Variants in UNC13C observed in about 807,000 individuals in gnomAD.
The protein encoded by UNC13C is protein unc-13 homolog C.
A neutral mutation model predicts 245.4 loss-of-function variants in UNC13C; 174 were observed. The ratio of observed to expected loss-of-function variants is 0.71; its 90% CI spans 0.63 to 0.80. UNC13C has a LOEUF of 0.80. Ranked by LOEUF, UNC13C falls within the 30% of genes least tolerant of loss-of-function variation. UNC13C has a pLI of 0.00. For synonymous variants in UNC13C, 992 were observed against 895.1 expected, an observed-to-expected ratio of 1.11 and a Z score of -1.93; for missense variants, 2,829 against 2,602.9, an observed-to-expected ratio of 1.09 and a Z score of -1.89.
chr15:54,096,514 C>T (rs889711264), intron 2 of UNC13C, among the ~76,000 whole-genome samples: 3 of 152,146 alleles, frequency 2.0e-5, no homozygotes, highest in African/African-American at 7.2e-5. Flanking sequence ...CTCTAATTCT[C>T]CAACTCTCAC....
At chr15:54,489,900 C>G (rs149290637) in intron 19 of UNC13C, among the ~76,000 whole-genome samples, 1 of 152,266 alleles carries the variant, frequency 6.6e-6, no homozygotes, top group African/African-American at 2.4e-5. Context: ...ACTTGTATCA[C>G]CAATTAACTC....
rs554692204 is a variant in UNC13C, at chr15:54,015,184, C to T, written c.2281C>T (p.Arg761Ter). Residue 761 changes from arginine (R) to a stop codon, truncating the protein, a stop_gained, in exon 2 of 33, where the codon CGA becomes TGA. Transcript: ENST00000260323. LOFTEE classifies it high-confidence loss of function. ...QNQNQLSMMY[R>*]SQSELQSDDS... ...TCAAAACCAGTTGTCCATGATGTAT[C>T]GAAGTCAAAGTGAATTGCAAAGTGA... 6.2e-6 allele frequency: 10 copies of T among 1,612,592 alleles called. No individual in the cohort carries two copies. The highest frequency in any genetic ancestry group is 1.6e-4 in the Middle Eastern group (1 of 6,078).
At chr15:54,311,335 GTTTAA>G (rs1333458907) in intron 13 of UNC13C, among the ~76,000 whole-genome samples, 1 of 151,650 alleles carries the variant, frequency 6.6e-6, no homozygotes, top group African/African-American at 2.4e-5. Flanking sequence ...ATTAAAAACT[GTTTAA>G]TTTAACTATA....
chr15:54,076,749 C>G (rs1051094138), intron 2 of UNC13C, among the ~76,000 whole-genome samples: 1 of 152,108 alleles, frequency 6.6e-6, no homozygotes, highest in Non-Finnish European at 1.5e-5. Flanking sequence ...ACCTTCATTT[C>G]CATGTTCGGT....
chr15:54,353,721 C>G (rs183528208), intron 17 of UNC13C, among the ~76,000 whole-genome samples: 109 of 152,296 alleles, frequency 7.2e-4, no homozygotes, highest in Non-Finnish European at 1.1e-3. Flanking sequence ...AATTGCTATT[C>G]TTACCAGCTT....
chr15:54,291,605 G>A (rs1165867552), intron 10 of UNC13C, among the ~76,000 whole-genome samples: 4 of 151,830 alleles, frequency 2.6e-5, no homozygotes, highest in Non-Finnish European at 5.9e-5. Context: ...ACATTGCCTG[G>A]CACTGTGCTA....
chr15:54,126,297 A>G (rs1275182084), intron 2 of UNC13C, among the ~76,000 whole-genome samples: 2 of 152,188 alleles, frequency 1.3e-5, no homozygotes, highest in African/African-American at 4.8e-5. Context: ...GATAGGCCAT[A>G]CAAACATTAA....
At chr15:54,294,727 C>T (rs945570648) in intron 11 of UNC13C, among the ~76,000 whole-genome samples, 3 of 152,056 alleles carry the variant, frequency 2.0e-5, no homozygotes, top group African/African-American at 4.8e-5. Flanking sequence ...TGCAAAGGCA[C>T]GATCTGAAGA....
At chr15:54,108,527 T>C (rs1900578971) in intron 2 of UNC13C, among the ~76,000 whole-genome samples, 1 of 152,136 alleles carries the variant, frequency 6.6e-6, no homozygotes, top group African/African-American at 2.4e-5. Context: ...ATAAAACGTG[T>C]AGGCCAAGAA....
rs959785887 is a variant in UNC13C, at chr15:54,030,010, G to C, written c.2983+14124G>C. The stretch of plus-strand genomic sequence containing the variant: ...TCTACCCTTTGGGAGGGCAATTCAG[G>C]GCAGCACACTGAACCCAAGTCTGGA... On this transcript the variant is annotated intron_variant, in intron 2 of 32. Coordinates refer to ENST00000260323, the MANE Select transcript of UNC13C (RefSeq NM_001080534.3). Among the ~76,000 whole-genome samples, 3 of 152,116 alleles carry C rather than the reference G, an allele frequency of 2.0e-5. No homozygotes were observed. In the East Asian group the frequency reaches 5.8e-4, roughly 29 times the overall value.
chr15:54,417,616 T>A (rs1218493893), intron 19 of UNC13C, among the ~76,000 whole-genome samples: 1 of 152,180 alleles, frequency 6.6e-6, no homozygotes, highest in Non-Finnish European at 1.5e-5. Context: ...TTCATATATA[T>A]TTTGAAGATT....
intron 2 of UNC13C, among the ~76,000 whole-genome samples, chr15:54,085,497 ACT>A (rs1430828779): frequency 1.3e-5 from 2 of 152,082 alleles, no homozygotes; most frequent in African/African-American, 2.4e-5. Context: ...CATAAAGGAG[ACT>A]CTGTATTGTC....
chr15:53,953,353 T>G, the UNC13C span, among the ~76,000 whole-genome samples: 3 of 152,184 alleles, frequency 2.0e-5, no homozygotes, highest in African/African-American at 7.2e-5. Context: ...ATCTGCCTCG[T>G]GGTGCTCCAG....
chr15:54,429,419 C>A (rs957509463), intron 19 of UNC13C, among the ~76,000 whole-genome samples: 2 of 151,654 alleles, frequency 1.3e-5, no homozygotes, highest in Non-Finnish European at 3.0e-5. Flanking sequence ...AATGTTATCA[C>A]ATTATCCATA....
Position 54,274,741 on chromosome 15 carries a change from G to T in UNC13C, c.3818+9245G>T, listed in dbSNP as rs181810848. 1.4e-4 allele frequency among the ~76,000 whole-genome samples: 20 copies of T among 138,252 alleles called. 1 individual carries two copies. The East Asian group carries it at 3.8e-3, about 26-fold the overall frequency. The allele number at this position is 138,252 out of a possible 152,430, so 90.7% of individuals were successfully genotyped here. A position where few individuals can be genotyped will look rare whatever the true frequency, so the allele number is the denominator to read the frequency against. On this transcript the variant is annotated intron_variant, in intron 10 of 32. Transcript: ENST00000260323. ...GGCTGGGGTGCAGTGGCGCGATCTC[G>T]GCTCAATGCAAGCTCCGCCTCCTGG...
At position 54,378,768 on chromosome 15, in the gene UNC13C, G is replaced by A. The variant is rs531273289; in HGVS notation, c.4714-14280G>A. 1.1e-4 allele frequency among the ~76,000 whole-genome samples: 17 copies of A among 151,780 alleles called. No individual in the cohort carries two copies. In the East Asian group the frequency reaches 2.1e-3, roughly 19 times the overall value. On this transcript the variant is annotated intron_variant, in intron 17 of 32. Coordinates refer to ENST00000260323, the MANE Select transcript of UNC13C (RefSeq NM_001080534.3). ...TCAGTTACTATTTTTCTATTATAAC[G>A]TGCTGTTAAATAATTTATATATTTA...
chr15:54,151,619 G>T (rs892667709), intron 4 of UNC13C, among the ~76,000 whole-genome samples: 2 of 152,116 alleles, frequency 1.3e-5, no homozygotes, highest in Admixed American at 6.6e-5. Flanking sequence ...GCCCAGGGTG[G>T]TTTTGAACTC....
At chr15:54,534,302 C>T (rs1489302548) in intron 26 of UNC13C, among the ~76,000 whole-genome samples, 1 of 152,128 alleles carries the variant, frequency 6.6e-6, no homozygotes, top group Non-Finnish European at 1.5e-5. Flanking sequence ...TCCAGGAATG[C>T]CAAGTTAAGC....
At chr15:54,268,232 C>G (rs927944232) in intron 10 of UNC13C, among the ~76,000 whole-genome samples, 4 of 151,774 alleles carry the variant, frequency 2.6e-5, no homozygotes, top group African/African-American at 4.8e-5. Context: ...TCTGTAATGT[C>G]TAACCTGCTA....
Sources: gnomAD v4.1 joint callset for allele counts (sites outside exome capture counted in the v4.1 genomes callset) on GRCh38, gnomAD v4.1.1 for gene constraint, MANE v1.5 for transcripts, NCBI Gene and HGNC (gene_info 2026-07-23, HGNC 2026-07-21) for gene names.